NXN: variants seen among roughly 807,000 people sequenced by gnomAD.
NXN encodes nucleoredoxin.
Under a neutral mutation model 48.6 loss-of-function variants are expected in NXN, and 16 were observed. The ratio of observed to expected loss-of-function variants is 0.33; its 90% CI spans 0.22 to 0.50. The LOEUF is 0.50. Among genes scored for constraint, NXN ranks in the 20% least tolerant of loss-of-function variants. The pLI is 0.98. For synonymous variants in NXN, 281 were observed against 269.6 expected (o/e 1.04, Z -0.41); for missense variants, 492 against 605.5 (o/e 0.81, Z 1.97).
At chr17:840,286 A>G (rs1914070763) in intron 1 of NXN, among the ~76,000 whole-genome samples, 1 of 152,140 alleles carries the variant, frequency 6.6e-6, no homozygotes, top group South Asian at 2.1e-4. Context: ...TAGAAGGACC[A>G]GGGGACAACT....
intron 1 of NXN, among the ~76,000 whole-genome samples, chr17:840,362 C>T (rs949197761): frequency 1.3e-4 from 19 of 151,354 alleles, no homozygotes; most frequent in East Asian, 1.0e-3. Context: ...TTTCTTGAGA[C>T]GGAGTCTCGC....
chr17:819,774 C>T (rs1413319633), intron 4 of NXN, among the ~76,000 whole-genome samples: 1 of 152,088 alleles, frequency 6.6e-6, no homozygotes, highest in Non-Finnish European at 1.5e-5. Context: ...GACGCCAGCC[C>T]ACTTCAGCAG....
At chr17:870,799 T>C (rs2068143563) in intron 1 of NXN, among the ~76,000 whole-genome samples, 1 of 151,952 alleles carries the variant, frequency 6.6e-6, no homozygotes, top group Non-Finnish European at 1.5e-5. Flanking sequence ...CCAGTCTTTC[T>C]TTCTGAGCAA....
intron 1 of NXN, among the ~76,000 whole-genome samples, chr17:902,882 G>A (rs910696855): frequency 3.3e-5 from 5 of 151,306 alleles, no homozygotes; most frequent in Non-Finnish European, 1.5e-5. Context: ...GGGTTCAAGC[G>A]ATTCTCCTGC....
intron 6 of NXN, among the ~76,000 whole-genome samples, chr17:804,211 G>C (rs1911359654): frequency 6.6e-6 from 1 of 150,924 alleles, no homozygotes; most frequent in Admixed American, 6.6e-5. Flanking sequence ...CGACTTCCCA[G>C]TGAAAATGGC....
intron 1 of NXN, among the ~76,000 whole-genome samples, chr17:972,962 C>A (rs1272149709): frequency 6.7e-6 from 1 of 149,644 alleles, no homozygotes; most frequent in Admixed American, 6.8e-5. Context: ...ACCCGGGAGG[C>A]GGAGATTGCG....
chr17:952,036 C>T (rs958484282), intron 1 of NXN, among the ~76,000 whole-genome samples: 1 of 152,192 alleles, frequency 6.6e-6, no homozygotes, highest in Admixed American at 6.5e-5. Context: ...TCATGGCCAG[C>T]GCTGAAAGAA....
intron 1 of NXN, among the ~76,000 whole-genome samples, chr17:873,485 A>G (rs1385977242): frequency 7.4e-6 from 1 of 135,376 alleles, no homozygotes; most frequent in Non-Finnish European, 1.6e-5. Context: ...AGACAGAGAC[A>G]CTGTCTCCAA....
chr17:812,915 T>TA (rs2144609853), intron 5 of NXN, among the ~76,000 whole-genome samples: 1 of 117,930 alleles, frequency 8.5e-6, no homozygotes, highest in Admixed American at 8.5e-5. Flanking sequence ...TGTGTGACTG[T>TA]AGGTGTGTGC....
chr17:862,736 A>G (rs1255686419), intron 1 of NXN, among the ~76,000 whole-genome samples: 2 of 152,210 alleles, frequency 1.3e-5, no homozygotes, highest in African/African-American at 2.4e-5. Context: ...AGCATCATCA[A>G]TAACAGGACG....
At chr17:804,556 T>C (rs1029501667) in intron 6 of NXN, among the ~76,000 whole-genome samples, 7 of 152,172 alleles carry the variant, frequency 4.6e-5, no homozygotes, top group Admixed American at 3.9e-4. Flanking sequence ...GAGCCTGGCA[T>C]GGATGCGCCT....
intron 5 of NXN, among the ~76,000 whole-genome samples, chr17:811,501 C>T (rs895006015): frequency 4.9e-5 from 7 of 143,602 alleles, no homozygotes; most frequent in Admixed American, 3.4e-4. Context: ...TGCGTAAAGC[C>T]CCGGGGTTGG....
At chr17:814,950 G>C (rs1441185905) in intron 5 of NXN, among the ~76,000 whole-genome samples, 2 of 152,174 alleles carry the variant, frequency 1.3e-5, no homozygotes, top group African/African-American at 2.4e-5. Flanking sequence ...ATTTTTAGTA[G>C]AGATGGGGTT....
At chr17:863,860 C>T in intron 1 of NXN, 1 of 1,023,334 alleles carries the variant, frequency 9.8e-7, no homozygotes, top group Non-Finnish European at 1.5e-6. Context: ...AACTGTCCTT[C>T]AGGGAAAAAA....
At chr17:950,377 G>A (rs1281134492) in intron 1 of NXN, among the ~76,000 whole-genome samples, 4 of 152,158 alleles carry the variant, frequency 2.6e-5, no homozygotes, top group African/African-American at 9.7e-5. Flanking sequence ...AAATCCCAAC[G>A]AGAAAGGATC....
intron 1 of NXN, among the ~76,000 whole-genome samples, chr17:871,212 A>G (rs2068149975): frequency 1.3e-5 from 2 of 151,804 alleles, no homozygotes; most frequent in African/African-American, 4.8e-5. Context: ...CTGGAGCCAC[A>G]TTGGCAGCCA....
chr17:942,316 C>T (rs372525365), intron 1 of NXN, among the ~76,000 whole-genome samples: 48 of 28,740 alleles, frequency 1.7e-3, no homozygotes, highest in African/African-American at 2.4e-3. Flanking sequence ...CCAAACACCT[C>T]CCTGGATTTA....
intron 1 of NXN, among the ~76,000 whole-genome samples, chr17:930,795 G>T (rs1374182678): frequency 6.8e-6 from 1 of 147,678 alleles, no homozygotes; most frequent in African/African-American, 2.5e-5. Context: ...TTTTTAGACA[G>T]AATCTCGCTC....
intron 1 of NXN, 129 bp from the exon 2 acceptor site, chr17:826,207 A>C (rs181456809): frequency 7.6e-5 from 57 of 746,132 alleles, no homozygotes; most frequent in Admixed American, 4.1e-4. Flanking sequence ...AGAATAATGG[A>C]TGCCAAGCAG....
Sources: allele counts gnomAD v4.1 joint callset (sites outside exome capture counted in the v4.1 genomes callset), GRCh38; gene constraint gnomAD v4.1.1; transcripts MANE v1.5; gene names NCBI Gene and HGNC (gene_info 2026-07-23, HGNC 2026-07-21).